The following LIN52 variants were observed in gnomAD, a reference collection of about 807,000 sequenced individuals.
The protein encoded by LIN52 is lin-52 DREAM MuvB core complex component.
In LIN52, 4 loss-of-function variants were observed where a neutral mutation model predicts 18.5. The ratio of observed to expected loss-of-function variants is 0.22; its 90% CI spans 0.11 to 0.49. The LOEUF is 0.49. LIN52 is among the 20% of genes least tolerant of loss of function. The pLI, the probability that LIN52 is intolerant of heterozygous loss-of-function variation, is 0.97. For missense variants in LIN52, 102 were observed against 139.5 expected, an observed-to-expected ratio of 0.73 and a Z score of 1.35; for synonymous variants, 34 against 45.5, an observed-to-expected ratio of 0.75 and a Z score of 1.02.
At chr14:74,173,850 A>T (rs1566866942) in intron 5 of LIN52, among the ~76,000 whole-genome samples, 1 of 152,134 alleles carries the variant, frequency 6.6e-6, no homozygotes, top group African/African-American at 2.4e-5. Context: ...CAATGCTCAA[A>T]TTTTTTATCC....
rs2300188 is a variant in LIN52 at position 74,115,666 on chromosome 14, A to G, written c.283+14428A>G. 5.1e-4 allele frequency among the ~76,000 whole-genome samples: 78 copies of G among 152,262 alleles called. 2 individuals carry two copies. The East Asian group carries it at 0.014, about 28-fold the overall frequency. On this transcript the variant is annotated intron_variant, in intron 5 of 5. Transcript: ENST00000555028. ...AGAAATTGTCAATTTAGCCTTAAGT[A>G]TTTTATTTTTTGAAATGTTTTATGA...
At chr14:74,119,159 T>C (rs1024844560) in intron 5 of LIN52, among the ~76,000 whole-genome samples, 8 of 135,690 alleles carry the variant, frequency 5.9e-5, no homozygotes, top group African/African-American at 2.2e-4. Flanking sequence ...GGATTTTCTT[T>C]CTTTTTTTTT....
chr14:74,151,520 A>G (rs1488438471), intron 5 of LIN52, among the ~76,000 whole-genome samples: 1 of 152,226 alleles, frequency 6.6e-6, no homozygotes, highest in Admixed American at 6.5e-5. Context: ...GAAAAAAGTG[A>G]TTGACCAGTC....
intron 5 of LIN52, among the ~76,000 whole-genome samples, chr14:74,160,142 C>T (rs935769732): frequency 1.3e-5 from 2 of 152,020 alleles, no homozygotes; most frequent in African/African-American, 2.4e-5. Flanking sequence ...GGGCCTCATC[C>T]CAATATGGCT....
chr14:74,149,208 A>G (rs753128413), intron 5 of LIN52, among the ~76,000 whole-genome samples: 1 of 152,164 alleles, frequency 6.6e-6, no homozygotes, highest in Non-Finnish European at 1.5e-5. Context: ...GGTTTTAAAA[A>G]TTCACAGCAA....
chr14:74,188,714 GT>G (rs767154828), intron 5 of LIN52, among the ~76,000 whole-genome samples: 3 of 152,004 alleles, frequency 2.0e-5, no homozygotes, highest in Non-Finnish European at 4.4e-5. Context: ...TTTGTTAAGC[GT>G]TATTCGAATA....
intron 5 of LIN52, among the ~76,000 whole-genome samples, chr14:74,131,494 A>G (rs1346498406): frequency 1.3e-5 from 2 of 151,748 alleles, no homozygotes; most frequent in South Asian, 2.1e-4. Context: ...AACTTTTTGT[A>G]TTTTTAGTAG....
chr14:74,110,117 T>C (rs1238690049), intron 5 of LIN52, among the ~76,000 whole-genome samples: 1 of 152,204 alleles, frequency 6.6e-6, no homozygotes, highest in Non-Finnish European at 1.5e-5. Context: ...TATTACCTTC[T>C]AAAAAAGCTT....
intron 5 of LIN52, among the ~76,000 whole-genome samples, chr14:74,183,630 G>T (rs1216410726): frequency 6.6e-6 from 1 of 152,094 alleles, no homozygotes; most frequent in South Asian, 2.1e-4. Context: ...CTAAAGTACA[G>T]AGAATGTTAC....
At chr14:74,103,430 T>A (rs1233789602) in intron 5 of LIN52, among the ~76,000 whole-genome samples, 1 of 110,766 alleles carries the variant, frequency 9.0e-6, no homozygotes, top group Non-Finnish European at 1.9e-5. Flanking sequence ...ATGTAAGATT[T>A]TTTTTTTTTT....
chr14:74,171,743 T>TTC (rs2061272048), intron 5 of LIN52, among the ~76,000 whole-genome samples: 1 of 45,228 alleles, frequency 2.2e-5, no homozygotes, highest in African/African-American at 5.7e-5. Context: ...ATTCTTTTTT[T>TTC]TTTTTTTTTT....
At chr14:74,165,864 T>C (rs150369139) in intron 5 of LIN52, among the ~76,000 whole-genome samples, 28 of 151,796 alleles carry the variant, frequency 1.8e-4, no homozygotes, top group African/African-American at 6.5e-4. Flanking sequence ...CAATATCCAG[T>C]CTCTGTCCCT....
intron 5 of LIN52, among the ~76,000 whole-genome samples, chr14:74,123,668 G>A (rs10136696): frequency 0.22 from 34,124 of 151,994 alleles, 4,155 homozygotes; most frequent in South Asian, 0.46. Context: ...ACGGTCCCCA[G>A]TGATCCCTGC....
chr14:74,160,738 T>A (rs2061220696), intron 5 of LIN52, among the ~76,000 whole-genome samples: 2 of 152,198 alleles, frequency 1.3e-5, no homozygotes, highest in South Asian at 4.1e-4. Flanking sequence ...AATCTAATAC[T>A]CTCTGGGCAT....
chr14:74,096,467 A>G lies in LIN52; in HGVS notation c.132+482A>G, dbSNP rs371904741. 2.8e-4 allele frequency among the ~76,000 whole-genome samples: 42 copies of G among 152,110 alleles called. No homozygotes were observed. In the South Asian group the frequency reaches 8.5e-3, roughly 31 times the overall value. ...TCCAGCCTCCCATAGCATTAGGATT[A>G]CAGGTGTGAGCCAATGTATGTGTTT... is the stretch of plus-strand genomic sequence containing the variant. On this transcript the variant is annotated intron_variant, in intron 3 of 5. Transcript: ENST00000555028.
At chr14:74,168,851 G>T (rs1234465397) in intron 5 of LIN52, among the ~76,000 whole-genome samples, 1 of 151,914 alleles carries the variant, frequency 6.6e-6, no homozygotes, top group Non-Finnish European at 1.5e-5. Context: ...ATCACTTGAG[G>T]TCAGGAGTTT....
chr14:74,186,675 G>A (rs1024946541), intron 5 of LIN52, among the ~76,000 whole-genome samples: 1 of 152,128 alleles, frequency 6.6e-6, no homozygotes, highest in African/African-American at 2.4e-5. Flanking sequence ...GTTAAGTGCT[G>A]TAAAGGAAGT....
At chr14:74,152,262 C>CG (rs1555383552) in intron 5 of LIN52, among the ~76,000 whole-genome samples, 1 of 130,520 alleles carries the variant, frequency 7.7e-6, no homozygotes, top group East Asian at 2.2e-4. Context: ...ACCTCCATCT[C>CG]AAAAAAAAAA....
intron 5 of LIN52, among the ~76,000 whole-genome samples, chr14:74,136,170 C>A (rs1404743852): frequency 6.6e-6 from 1 of 152,164 alleles, no homozygotes; most frequent in Non-Finnish European, 1.5e-5. Context: ...TGCTGTAACT[C>A]CTTGTTTTAG....
Sources: allele counts gnomAD v4.1 joint callset (sites outside exome capture counted in the v4.1 genomes callset), GRCh38; gene constraint gnomAD v4.1.1; transcripts MANE v1.5; gene names NCBI Gene and HGNC (gene_info 2026-07-23, HGNC 2026-07-21).